FMN1: variants seen among roughly 807,000 people sequenced by gnomAD.
FMN1 encodes formin-1.
A neutral mutation model predicts 132.4 loss-of-function variants in FMN1; 110 were observed. The ratio of observed to expected loss-of-function variants is 0.83; its 90% CI spans 0.71 to 0.97. FMN1 has a LOEUF of 0.97. Among genes scored for constraint, FMN1 ranks in the 50% least tolerant of loss-of-function variants. FMN1 has a pLI of 0.00. For synonymous variants in FMN1, 722 were observed against 651.7 expected (o/e 1.11, Z -1.64); for missense variants, 1,792 against 1,705.3 (o/e 1.05, Z -0.90).
chr15:33,091,661 G>A (rs911159938), intron 4 of FMN1, among the ~76,000 whole-genome samples: 13 of 152,084 alleles, frequency 8.5e-5, no homozygotes, highest in African/African-American at 2.9e-4. Context: ...ACATTCTGAC[G>A]ACCACAATGT....
At chr15:32,848,695 G>C (rs772656539) in intron 17 of FMN1, among the ~76,000 whole-genome samples, 2 of 152,164 alleles carry the variant, frequency 1.3e-5, no homozygotes, top group Non-Finnish European at 2.9e-5. Context: ...AAAATGTGAA[G>C]TGCGAAGTAC....
chr15:33,143,256 T>C (rs1297819085), intron 4 of FMN1, among the ~76,000 whole-genome samples: 1 of 152,164 alleles, frequency 6.6e-6, no homozygotes, highest in African/African-American at 2.4e-5. Flanking sequence ...TCTAGCAAAA[T>C]AGGGTAACAG....
intron 15 of FMN1, among the ~76,000 whole-genome samples, chr15:32,891,745 C>G (rs1212091801): frequency 2.0e-5 from 3 of 152,060 alleles, no homozygotes; most frequent in Non-Finnish European, 4.4e-5. Context: ...TTGTAGTTTT[C>G]CTTGTGGAGG....
chr15:33,068,032 G>C, intron 5 of FMN1: 1 of 1,439,480 alleles, frequency 6.9e-7, no homozygotes, highest in African/African-American at 1.4e-5. Flanking sequence ...AACACACTTG[G>C]TCTCTTTCGG....
chr15:33,057,438 TG>T (rs1039527595), intron 6 of FMN1, among the ~76,000 whole-genome samples: 49 of 152,370 alleles, frequency 3.2e-4, no homozygotes, highest in African/African-American at 1.0e-3. Flanking sequence ...TCAGTGGTGC[TG>T]CAGTTGAACT....
At chr15:32,809,669 C>G (rs62001277) in intron 17 of FMN1, among the ~76,000 whole-genome samples, 35,766 of 151,934 alleles carry the variant, frequency 0.24, 4,767 homozygotes, top group Admixed American at 0.32. Context: ...TCTTTGAAAA[C>G]CAAGCTTGAA....
At chr15:32,946,301 A>C (rs2061510044) in intron 9 of FMN1, among the ~76,000 whole-genome samples, 2 of 152,048 alleles carry the variant, frequency 1.3e-5, no homozygotes, top group Non-Finnish European at 2.9e-5. Flanking sequence ...TGACTGAAAA[A>C]ACCTACCCAC....
intron 7 of FMN1, among the ~76,000 whole-genome samples, chr15:32,985,897 T>C (rs2033036869): frequency 1.3e-5 from 2 of 152,146 alleles, no homozygotes; most frequent in African/African-American, 4.8e-5. Flanking sequence ...TTGGTAAGAA[T>C]TTTTATAGTT....
At chr15:33,161,456 C>A (rs71462853) in intron 3 of FMN1, among the ~76,000 whole-genome samples, 8,426 of 152,240 alleles carry the variant, frequency 0.055, 317 homozygotes, top group Non-Finnish European at 0.069. Context: ...TCTCCTCCAG[C>A]TGCAGCTGCT....
chr15:33,161,423 A>C (rs562634669), intron 3 of FMN1, among the ~76,000 whole-genome samples: 73 of 152,226 alleles, frequency 4.8e-4, no homozygotes, highest in African/African-American at 1.7e-3. Context: ...CCTCTAATGA[A>C]GACCACGCTC....
intron 6 of FMN1, among the ~76,000 whole-genome samples, chr15:33,024,187 T>A (rs548210177): frequency 7.3e-4 from 106 of 145,930 alleles, no homozygotes; most frequent in African/African-American, 2.5e-3. Context: ...ACAGCGCAAA[T>A]TAAAACTACA....
rs117116143 is a variant in FMN1 at position 33,107,194 on chromosome 15, T to C, written c.1868-18220A>G. On this transcript the variant is annotated intron_variant, in intron 4 of 20. Transcript: ENST00000616417. ...TTTTATAAGCAAGACCTGTTTGCTC[T>C]ACCACCAAACAGTATCCCAAATCTG... Among the ~76,000 whole-genome samples, 25 of 152,168 alleles carry C rather than the reference T, an allele frequency of 1.6e-4. No individual in the cohort carries two copies. In the East Asian group the frequency reaches 3.7e-3, roughly 22 times the overall value.
chr15:33,154,473 G>A lies in FMN1; in HGVS notation c.442C>T (p.Leu148Phe), dbSNP rs1444602641. 5 of 1,535,976 alleles carry A rather than the reference G, an allele frequency of 3.3e-6. No individual in the cohort carries two copies. Among genetic ancestry groups the A allele is most frequent in the Non-Finnish European group, 3.5e-6 (4 of 1,146,906 alleles). Reference sequence around the variant, plus strand: ...TTCCCGTGGGTGCTCCTCTTATTGAGAGGGCCCACGGGGAGCTCTCCCTGC... The same window carrying A: ...TTCCCGTGGGTGCTCCTCTTATTGAAAGGGCCCACGGGGAGCTCTCCCTGC... ...DWQGELPVGPLNKRSTHGNKK... is the reference protein window; with the variant it reads ...DWQGELPVGPFNKRSTHGNKK... The change falls in exon 4 of 21, where the codon CTC becomes TTC. Residue 148 changes from leucine (L) to phenylalanine (F), a missense_variant. Around this residue, in one of 3 missense-constraint regions of FMN1, gnomAD observed 638 missense variants for 645.2 expected, o/e 0.99. Coordinates refer to ENST00000616417, the MANE Select transcript of FMN1 (RefSeq NM_001277313.2).
At chr15:33,039,472 A>G (rs2036330101) in intron 6 of FMN1, among the ~76,000 whole-genome samples, 2 of 152,214 alleles carry the variant, frequency 1.3e-5, no homozygotes, top group African/African-American at 4.8e-5. Flanking sequence ...TTTTTTATGT[A>G]AATTGTTATT....
rs958706364 is a variant in FMN1 at position 32,862,180 on chromosome 15, T to C, written c.3836-5073A>G. Among the ~76,000 whole-genome samples, 7 of 151,942 alleles carry C rather than the reference T, an allele frequency of 4.6e-5. No homozygotes were observed. In the East Asian group the frequency reaches 1.2e-3, roughly 25 times the overall value. On this transcript the variant is annotated intron_variant, in intron 16 of 20. Transcript: ENST00000616417. ...GATGACACCGGAGACTGGCAGTGCATAAAGGAGAGAGGTCATGGACAGATC... is the reference window on the plus strand; with the variant it reads ...GATGACACCGGAGACTGGCAGTGCACAAAGGAGAGAGGTCATGGACAGATC...
At chr15:32,971,273 G>C (rs1168488083) in intron 7 of FMN1, among the ~76,000 whole-genome samples, 1 of 152,222 alleles carries the variant, frequency 6.6e-6, no homozygotes. Flanking sequence ...TAATAGCAGA[G>C]CAAGAGACTA....
intron 3 of FMN1, among the ~76,000 whole-genome samples, chr15:33,175,044 T>TTTA (rs1555412341): frequency 1.4e-3 from 205 of 151,816 alleles, no homozygotes; most frequent in Non-Finnish European, 2.2e-3. Flanking sequence ...TTTTTTTTTT[T>TTTA]TAGACAGGGT....
intron 16 of FMN1, among the ~76,000 whole-genome samples, chr15:32,887,509 TG>T (rs1285239449): frequency 5.9e-5 from 9 of 152,362 alleles, no homozygotes; most frequent in Admixed American, 5.9e-4. Flanking sequence ...CATTTTCTTT[TG>T]ACTAATTAAA....
chr15:32,899,440 AC>A (rs1294404563), intron 14 of FMN1, among the ~76,000 whole-genome samples: 1 of 151,530 alleles, frequency 6.6e-6, no homozygotes, highest in African/African-American at 2.4e-5. Context: ...CCCTCCCTGC[AC>A]CCCCCTGCCC....
Sources: allele counts gnomAD v4.1 joint callset (sites outside exome capture counted in the v4.1 genomes callset), GRCh38; gene constraint gnomAD v4.1.1; regional missense constraint gnomAD v4.1.1; transcripts MANE v1.5; gene names NCBI Gene and HGNC (gene_info 2026-07-23, HGNC 2026-07-21).